Variants in VIPR2 observed in about 807,000 individuals in gnomAD.
VIPR2 encodes vasoactive intestinal peptide receptor 2, also known as vasoactive intestinal polypeptide receptor 2.
In VIPR2, 48 loss-of-function variants were observed where a neutral mutation model predicts 58.0. The ratio of observed to expected loss-of-function variants is 0.83; its 90% CI spans 0.66 to 1.05. The LOEUF is 1.05. VIPR2 is among the 50% of genes least tolerant of loss of function. The probability of loss-of-function intolerance (pLI) is 0.00; values close to 1 mark genes in which losing one functional copy is unlikely to be tolerated. For synonymous variants in VIPR2, 243 were observed against 235.2 expected, an observed-to-expected ratio of 1.03 and a Z score of -0.30; for missense variants, 534 against 558.0, an observed-to-expected ratio of 0.96 and a Z score of 0.43.
At chr7:159,046,157 G>A (rs181258223) in intron 5 of VIPR2, among the ~76,000 whole-genome samples, 6 of 152,180 alleles carry the variant, frequency 3.9e-5, no homozygotes, top group African/African-American at 1.4e-4. Flanking sequence ...ATTGTGGAAA[G>A]CAGTTTGGTG....
At chr7:159,056,288 G>T (rs968743303) in intron 5 of VIPR2, among the ~76,000 whole-genome samples, 1 of 149,208 alleles carries the variant, frequency 6.7e-6, no homozygotes, top group African/African-American at 2.5e-5. Context: ...TCCCACATTT[G>T]CCCCTTCAGG....
chr7:159,133,830 A>C (rs1231931901), intron 2 of VIPR2, among the ~76,000 whole-genome samples: 5 of 152,250 alleles, frequency 3.3e-5, no homozygotes, highest in Non-Finnish European at 1.5e-5. Context: ...ATGGTTTTCA[A>C]GTTCATCTAA....
chr7:159,067,982 C>T (rs1002060659), intron 4 of VIPR2, among the ~76,000 whole-genome samples: 2 of 152,230 alleles, frequency 1.3e-5, no homozygotes, highest in South Asian at 2.1e-4. Context: ...TGCAGAGGTC[C>T]TTCTTGAGCA....
intron 4 of VIPR2, among the ~76,000 whole-genome samples, chr7:159,073,996 T>C (rs1453542139): frequency 6.6e-6 from 1 of 152,198 alleles, no homozygotes; most frequent in Non-Finnish European, 1.5e-5. Context: ...ACATTAGCAA[T>C]GTCCACTCCT....
chr7:159,064,528 G>A (rs1269604518), intron 4 of VIPR2, among the ~76,000 whole-genome samples: 1 of 152,166 alleles, frequency 6.6e-6, no homozygotes, highest in African/African-American at 2.4e-5. Context: ...GGCCAGCTGG[G>A]TGCTGGGCTG....
chr7:159,113,308 T>C (rs544578046), intron 2 of VIPR2, among the ~76,000 whole-genome samples: 5 of 124,212 alleles, frequency 4.0e-5, no homozygotes, highest in Admixed American at 3.7e-4. Context: ...TGTTTCACTC[T>C]GACCACCCGT....
chr7:159,077,540 C>G (rs1325924406), intron 4 of VIPR2, among the ~76,000 whole-genome samples: 1 of 145,358 alleles, frequency 6.9e-6, no homozygotes. Flanking sequence ...CTTTGAGGTA[C>G]TACAGTGTGC....
Position 159,106,950 on chromosome 7 carries a change from A to G in VIPR2, c.259+2862T>C, listed in dbSNP as rs185836641. The stretch of plus-strand genomic sequence containing the variant: ...GTGCAGAGAGATCAGGGAGGTACAG[A>G]GAGAGGCCAGGGAGGTGCAGAGAGA... On this transcript the variant is annotated intron_variant, in intron 3 of 12. Transcript: ENST00000262178. Among the ~76,000 whole-genome samples, 717 of 151,238 alleles carry G rather than the reference A, an allele frequency of 4.7e-3. 8 individuals carry two copies. The highest frequency in any genetic ancestry group is 0.016 in the African/African-American group (646 of 41,114).
chr7:159,058,363 T>C (rs2129493999), intron 5 of VIPR2, 118 bp downstream of exon 5: 1 of 756,678 alleles, frequency 1.3e-6, no homozygotes, highest in Middle Eastern at 2.3e-4. Flanking sequence ...GCATTCTCCA[T>C]GGGAGTCTTA....
intron 2 of VIPR2, among the ~76,000 whole-genome samples, chr7:159,123,547 G>A (rs868237201): frequency 2.0e-5 from 3 of 152,062 alleles, no homozygotes; most frequent in East Asian, 3.9e-4. Context: ...TCTTTATCCA[G>A]TCTGTTACTG....
chr7:159,084,194 C>G (rs1199830683), intron 4 of VIPR2, among the ~76,000 whole-genome samples: 2 of 152,260 alleles, frequency 1.3e-5, no homozygotes, highest in Non-Finnish European at 1.5e-5. Context: ...CCAACGCGCA[C>G]CAGGCCAGAG....
At chr7:159,088,091 G>A (rs1857285493) in intron 4 of VIPR2, among the ~76,000 whole-genome samples, 1 of 152,200 alleles carries the variant, frequency 6.6e-6, no homozygotes, top group Non-Finnish European at 1.5e-5. Flanking sequence ...GTCTTTTACA[G>A]GGGAAGCCGG....
rs114683900 is a variant in VIPR2, at chr7:159,034,339, C to A, written c.880-35G>T. 1.9e-4 allele frequency: 310 copies of A among 1,602,580 alleles called. No individual in the cohort carries two copies. In the African/African-American group the frequency reaches 3.6e-3, roughly 19 times the overall value. The stretch of plus-strand genomic sequence containing the variant: ...AGATAATAAGTTTGTGAAACAGACA[C>A]GTGGATCCCTAATTTGCCCTGAAGT... On this transcript the variant is annotated intron_variant, in intron 9 of 12. Transcript: ENST00000262178.
rs1441352464 is a variant in VIPR2, at chr7:159,030,894, C to T, written c.1144-105G>A. On this transcript the variant is annotated intron_variant, in intron 12 of 12. Coordinates refer to ENST00000262178, the MANE Select transcript of VIPR2 (RefSeq NM_003382.5). ...CTCCAGCTCTCCCTCCCGCCTGCTC[C>T]CGTATCTGTGTTGCCAGCAGATGGA... The T allele has an allele frequency of 1.0e-5, 14 of 1,356,316 alleles. No individual in the cohort carries two copies. The Admixed American group carries it at 3.0e-4, about 29-fold the overall frequency. The allele number at this position is 1,356,316 out of a possible 1,614,324, so 84.0% of individuals were successfully genotyped here.
intron 4 of VIPR2, among the ~76,000 whole-genome samples, chr7:159,078,687 C>G (rs1856764875): frequency 6.6e-6 from 1 of 152,218 alleles, no homozygotes; most frequent in Non-Finnish European, 1.5e-5. Flanking sequence ...GGCAACCACA[C>G]AGCCTTGGGC....
intron 2 of VIPR2, among the ~76,000 whole-genome samples, chr7:159,126,042 G>A (rs1305173721): frequency 6.6e-6 from 1 of 152,160 alleles, no homozygotes; most frequent in Non-Finnish European, 1.5e-5. Context: ...AGCTGGATGC[G>A]ACACCATCCA....
Position 159,031,393 on chromosome 7 carries a change from T to C in VIPR2, c.1143+435A>G. On this transcript the variant is annotated intron_variant, in intron 12 of 12. Transcript: ENST00000262178. The surrounding 1 kb of genome is among the most constrained non-coding windows in gnomAD (Gnocchi z 4.0). ...CGGAGACAGCCTCCCTGGCTGGGAA[T>C]GAACGCAGGGCAGAGCTCGGCTCCG... 2 of 976,238 alleles carry C rather than the reference T, an allele frequency of 2.0e-6. No individual in the cohort carries two copies. Among genetic ancestry groups the C allele is most frequent in the African/African-American group, 1.7e-5 (1 of 57,164 alleles). The allele number at this position is 976,238 out of a possible 1,614,324, so 60.5% of individuals were successfully genotyped here. A position where few individuals can be genotyped will look rare whatever the true frequency, so the allele number is the denominator to read the frequency against.
Position 159,103,784 on chromosome 7 carries a change from G to T in VIPR2, c.330C>A (p.Gly110=), listed in dbSNP as rs1256202105. ...TGCTCTCATCCTCCGGGTCGCTGTA[G>T]CCACAGGCATCGACGAAATCTGGGA... ...ETFPDFVDAC[G]YSDPEDESKI... is the part of the protein sequence containing the mutation. Residue 110 remains glycine (G), a synonymous_variant, in exon 4 of 13, where the codon GGC becomes GGA. Transcript: ENST00000262178. The T allele has an allele frequency of 6.2e-7, 1 of 1,614,000 alleles. No homozygotes were observed. The highest frequency in any genetic ancestry group is 8.5e-7 in the Non-Finnish European group (1 of 1,180,026).
Position 159,031,052 on chromosome 7 carries a change from G to A in VIPR2, c.1144-263C>T, listed in dbSNP as rs1353960821. ...GGGGATCGCCACTGCCGCGGTAAGC[G>A]CAGTCCCACAGTCTCAGATAGTTAA... On this transcript the variant is annotated intron_variant, in intron 12 of 12. Transcript: ENST00000262178. The surrounding 1 kb of genome is among the most constrained non-coding windows in gnomAD (Gnocchi z 4.0). Among the ~76,000 whole-genome samples the A allele has an allele frequency of 6.6e-6, 1 of 152,204 alleles. No homozygotes were observed. The highest frequency in any genetic ancestry group is 6.5e-5 in the Admixed American group (1 of 15,288).
Sources: allele counts gnomAD v4.1 joint callset (sites outside exome capture counted in the v4.1 genomes callset), GRCh38; gene constraint gnomAD v4.1.1; non-coding constraint Gnocchi (gnomAD v3.1); transcripts MANE v1.5; gene names NCBI Gene and HGNC (gene_info 2026-07-23, HGNC 2026-07-21).